ADAM10: variants seen among roughly 807,000 people sequenced by gnomAD.
ADAM10 encodes the protein disintegrin and metalloproteinase domain-containing protein 10.
Under a neutral mutation model 90.1 loss-of-function variants are expected in ADAM10, and 17 were observed. That is an observed-to-expected ratio of 0.19 (90% CI 0.13 to 0.28). ADAM10 has a LOEUF of 0.28. Among genes scored for constraint, ADAM10 ranks in the 10% least tolerant of loss-of-function variants. ADAM10 has a pLI of 1.00. For missense variants in ADAM10, 610 were observed against 914.3 expected, an observed-to-expected ratio of 0.67 and a Z score of 4.29; for synonymous variants, 310 against 298.6, an observed-to-expected ratio of 1.04 and a Z score of -0.40.
chr15:58,636,759 G>C (rs1283911634), intron 8 of ADAM10, among the ~76,000 whole-genome samples: 1 of 151,746 alleles, frequency 6.6e-6, no homozygotes, highest in Non-Finnish European at 1.5e-5. Flanking sequence ...AAAAATACAA[G>C]AGTAATATGA....
chr15:58,687,155 T>C (rs1189945441), intron 2 of ADAM10, among the ~76,000 whole-genome samples: 6 of 152,200 alleles, frequency 3.9e-5, no homozygotes, highest in Non-Finnish European at 8.8e-5. Flanking sequence ...TCAACTGATG[T>C]CTTGATTTTT....
At chr15:58,631,023 G>C (rs369580188) in intron 9 of ADAM10, among the ~76,000 whole-genome samples, 2 of 152,112 alleles carry the variant, frequency 1.3e-5, no homozygotes, top group South Asian at 2.1e-4. Flanking sequence ...AGAGCTGGCT[G>C]TTAAGAGCCT....
chr15:58,734,073 C>G (rs1322101196), intron 1 of ADAM10, among the ~76,000 whole-genome samples: 1 of 151,910 alleles, frequency 6.6e-6, no homozygotes, highest in African/African-American at 2.4e-5. Flanking sequence ...TTAAAAATCC[C>G]AAACTATATA....
chr15:58,590,009 C>T lies in ADAM10; in HGVS notation c.*7538G>A, dbSNP rs1318322801. On this transcript the variant is annotated 3_prime_UTR_variant, in exon 16 of 16. Coordinates refer to ENST00000260408, the MANE Select transcript of ADAM10 (RefSeq NM_001110.4). ...AAAGGAATCTGAATGACTAGGCTGA[C>T]ATACCTTTCCCCAAAGAAAAATCAG... The T allele has an allele frequency of 6.6e-6, 1 of 152,198 alleles. No homozygotes were observed. Among genetic ancestry groups the T allele is most frequent in the African/African-American group, 2.4e-5 (1 of 41,458 alleles). 9.4% of individuals were successfully genotyped at this position (152,198 alleles called of 1,614,324 possible).
In ADAM10 at chr15:58,640,690, C is replaced by T; in HGVS notation, c.1012+87G>A. The stretch of plus-strand genomic sequence containing the variant: ...TAGGATATTATACAGGCATCACTTT[C>T]TCCTATACTTTGAAAATTCAACATT... On this transcript the variant is annotated intron_variant, in intron 8 of 15. Coordinates refer to ENST00000260408, the MANE Select transcript of ADAM10 (RefSeq NM_001110.4). 6.2e-6 allele frequency: 8 copies of T among 1,281,366 alleles called. No individual in the cohort carries two copies. In the Admixed American group the frequency reaches 1.3e-4, roughly 22 times the overall value. The allele number at this position is 1,281,366 out of a possible 1,614,324, so 79.4% of individuals were successfully genotyped here.
chr15:58,627,055 G>T (rs545521668), intron 10 of ADAM10, among the ~76,000 whole-genome samples: 1 of 152,036 alleles, frequency 6.6e-6, no homozygotes. Context: ...TTCATGATAG[G>T]AGAGTAGATG....
In ADAM10 at chr15:58,597,635, A is replaced by G; in HGVS notation, c.2159T>C (p.Leu720Ser). The change falls in exon 16 of 16, where the codon TTA (leucine) becomes TCA (serine). Residue 720 changes from leucine (L) to serine (S), a missense_variant. By Grantham distance (145) the Leu-to-Ser change is moderately radical. Coordinates refer to ENST00000260408, the MANE Select transcript of ADAM10 (RefSeq NM_001110.4). ...LPPPKPLPGT[L>S]KRRRPPQPIQ... ...GGGCTGTGGAGGTCTCCTCCTCTTT[A>G]AAGTGCCTGTGAGCCACAAATAAAA... 2 of 1,614,058 alleles carry G rather than the reference A, an allele frequency of 1.2e-6. No individual in the cohort carries two copies. Among genetic ancestry groups the G allele is most frequent in the Non-Finnish European group, 1.7e-6 (2 of 1,180,002 alleles).
intron 4 of ADAM10, among the ~76,000 whole-genome samples, chr15:58,671,566 C>T (rs1324295131): frequency 6.6e-6 from 1 of 152,200 alleles, no homozygotes; most frequent in Non-Finnish European, 1.5e-5. Flanking sequence ...TTTTCTGTAA[C>T]TCATCACTTA....
intron 10 of ADAM10, among the ~76,000 whole-genome samples, 174 bp downstream of exon 10, chr15:58,627,526 A>T (rs1233156433): frequency 6.6e-6 from 1 of 152,200 alleles, no homozygotes. Context: ...ATTGCAATAA[A>T]ACATGAATTG....
At chr15:58,675,225 C>A (rs563676953) in intron 4 of ADAM10, among the ~76,000 whole-genome samples, 3 of 152,008 alleles carry the variant, frequency 2.0e-5, no homozygotes. Context: ...CTATACCCCA[C>A]AAAGGAAAAT....
At chr15:58,653,633 T>C (rs545755092) in intron 5 of ADAM10, among the ~76,000 whole-genome samples, 3 of 152,304 alleles carry the variant, frequency 2.0e-5, no homozygotes, top group Admixed American at 1.3e-4. Flanking sequence ...TTGTTGATAA[T>C]TTTTCTACCA....
At chr15:58,601,717 T>C (rs1292344248) in intron 14 of ADAM10, among the ~76,000 whole-genome samples, 2 of 152,328 alleles carry the variant, frequency 1.3e-5, no homozygotes, top group East Asian at 1.9e-4. Context: ...AATCGTGTGC[T>C]ATATTTAGCC....
intron 9 of ADAM10, among the ~76,000 whole-genome samples, chr15:58,630,716 C>T (rs115610253): frequency 0.023 from 3,487 of 152,236 alleles, 145 homozygotes; most frequent in African/African-American, 0.08. Flanking sequence ...GAAAAAGTAA[C>T]ATTGACATTA....
At chr15:58,688,786 A>ATATATATATATATCTATCTC in intron 2 of ADAM10, among the ~76,000 whole-genome samples, 4 of 122,394 alleles carry the variant, frequency 3.3e-5, no homozygotes, top group African/African-American at 7.2e-5. Flanking sequence ...ATATATATAT[A>ATATATATATATATCTATCTC]TCTCTCTCTC....
intron 4 of ADAM10, among the ~76,000 whole-genome samples, chr15:58,668,319 T>G (rs1221397032): frequency 6.6e-6 from 1 of 152,170 alleles, no homozygotes; most frequent in Non-Finnish European, 1.5e-5. Flanking sequence ...CAACTGACAC[T>G]TGGAATGAAA....
intron 5 of ADAM10, among the ~76,000 whole-genome samples, chr15:58,653,097 C>T (rs1475259509): frequency 6.6e-6 from 1 of 152,070 alleles, no homozygotes; most frequent in Non-Finnish European, 1.5e-5. Context: ...ATTTGTTTAT[C>T]AGTTCTAATA....
intron 2 of ADAM10, among the ~76,000 whole-genome samples, chr15:58,689,458 C>T (rs1184972978): frequency 1.3e-5 from 2 of 152,104 alleles, no homozygotes; most frequent in Non-Finnish European, 2.9e-5. Context: ...TGCACTCCAA[C>T]GTGGGCCACA....
At chr15:58,695,600 T>TA (rs201255986) in intron 2 of ADAM10, among the ~76,000 whole-genome samples, 107 of 150,956 alleles carry the variant, frequency 7.1e-4, no homozygotes, top group African/African-American at 2.3e-3. Context: ...TTCTATATGG[T>TA]AAAAAAAAAT....
intron 2 of ADAM10, among the ~76,000 whole-genome samples, chr15:58,684,729 T>C (rs1215217928): frequency 6.6e-6 from 1 of 152,208 alleles, no homozygotes; most frequent in Non-Finnish European, 1.5e-5. Context: ...TAACAAATTA[T>C]CTAACCTTAG....
Sources: allele counts gnomAD v4.1 joint callset (sites outside exome capture counted in the v4.1 genomes callset), GRCh38; gene constraint gnomAD v4.1.1; transcripts MANE v1.5; gene names NCBI Gene and HGNC (gene_info 2026-07-23, HGNC 2026-07-21).